OPTN: variants seen among roughly 807,000 people sequenced by gnomAD.
OPTN encodes the protein optineurin, also known as E3-14.7K-interacting protein.
In OPTN, 54 loss-of-function variants were observed where a neutral mutation model predicts 70.4. The ratio of observed to expected loss-of-function variants is 0.77; its 90% CI spans 0.62 to 0.96. The LOEUF (loss-of-function observed/expected upper bound fraction) is 0.96, where lower values mean the gene tolerates loss of function less well. Among genes scored for constraint, OPTN ranks in the 40% least tolerant of loss-of-function variants. The probability of loss-of-function intolerance (pLI) is 0.00; values close to 1 mark genes in which losing one functional copy is unlikely to be tolerated. For missense variants in OPTN, 624 were observed against 673.2 expected, an observed-to-expected ratio of 0.93 and a Z score of 0.81; for synonymous variants, 256 against 248.5, an observed-to-expected ratio of 1.03 and a Z score of -0.28.
rs1467477099 is a variant in OPTN, at chr10:13,112,504, G to T, written c.421G>T (p.Asp141Tyr). The T allele has an allele frequency of 1.2e-6, 2 of 1,613,948 alleles. No homozygotes were observed. The highest frequency in any genetic ancestry group is 1.7e-6 in the Non-Finnish European group (2 of 1,180,028). ...CAGGGCCGAAGCGGAGCAGGAAAAGGACCAGCTCAGGACCCAGGTGGTGAG... is the reference window on the plus strand; with the variant it reads ...CAGGGCCGAAGCGGAGCAGGAAAAGTACCAGCTCAGGACCCAGGTGGTGAG... ...LPRAEAEQEK[D>Y]QLRTQVVRLQ... Residue 141 changes from aspartate (D) to tyrosine (Y), a missense_variant, in exon 5 of 15, where the codon GAC (aspartate) becomes TAC (tyrosine). Coordinates refer to ENST00000378747, the MANE Select transcript of OPTN (RefSeq NM_001008212.2).
chr10:13,100,775 A>G (rs1027968435), intron 1 of OPTN, among the ~76,000 whole-genome samples: 4 of 152,082 alleles, frequency 2.6e-5, no homozygotes, highest in African/African-American at 7.2e-5. Flanking sequence ...GAGTGTGTAC[A>G]CTCTATATAG....
In OPTN at chr10:13,116,187, T is replaced by C. The variant is rs1833203539; in HGVS notation, c.553-80T>C. On this transcript the variant is annotated intron_variant, in intron 5 of 14. Transcript: ENST00000378747. ...GGGTTGCATGTCACAAAAATTCATC[T>C]TTTGTCTTTTTCTTCTTTTGACAAA... The C allele has an allele frequency of 6.0e-6, 6 of 997,328 alleles. No homozygotes were observed. In the East Asian group the frequency reaches 1.4e-4, roughly 24 times the overall value. 61.8% of individuals were successfully genotyped at this position (997,328 alleles called of 1,614,324 possible).
chr10:13,118,749 C>A, intron 6 of OPTN, 139 bp from the exon 7 acceptor site: 1 of 780,012 alleles, frequency 1.3e-6, no homozygotes, highest in Non-Finnish European at 2.2e-6. Flanking sequence ...ACCAGCTGTG[C>A]TTGTTCACTA....
intron 14 of OPTN, among the ~76,000 whole-genome samples, chr10:13,134,555 C>T (rs1323438424): frequency 6.6e-6 from 1 of 152,180 alleles, no homozygotes; most frequent in Non-Finnish European, 1.5e-5. Context: ...GGCTCAGCCT[C>T]CCAAGTAGCT....
chr10:13,105,548 G>C (rs920452075), intron 1 of OPTN, among the ~76,000 whole-genome samples: 2 of 152,152 alleles, frequency 1.3e-5, no homozygotes, highest in African/African-American at 4.8e-5. Context: ...CAGAAACACT[G>C]ATGTAACAAC....
chr10:13,129,331 T>C (rs1310670710), intron 12 of OPTN, among the ~76,000 whole-genome samples: 1 of 151,998 alleles, frequency 6.6e-6, no homozygotes, highest in African/African-American at 2.4e-5. Context: ...TCTGGTACCA[T>C]GCTGTCTTAT....
chr10:13,121,053 C>A (rs770499162), intron 7 of OPTN, among the ~76,000 whole-genome samples: 1 of 152,128 alleles, frequency 6.6e-6, no homozygotes, highest in Non-Finnish European at 1.5e-5. Flanking sequence ...AAACTGCCCC[C>A]GTGATTCAAT....
chr10:13,112,345 G>T, intron 4 of OPTN, 108 bp from the exon 5 acceptor site: 2 of 1,063,210 alleles, frequency 1.9e-6, no homozygotes, highest in Non-Finnish European at 2.8e-6. Flanking sequence ...CTGGCCTCAA[G>T]GGATCCTCCC....
chr10:13,127,917 C>T lies in OPTN; in HGVS notation c.1401+14C>T. ...CTCAGGGCTCAGGTGAGGCACCTTC[C>T]AAAACCCCAGCTGAGCGAGGCCAGC... On this transcript the variant is annotated intron_variant, in intron 12 of 14. Coordinates refer to ENST00000378747, the MANE Select transcript of OPTN (RefSeq NM_001008212.2). 4 of 1,613,980 alleles carry T rather than the reference C, an allele frequency of 2.5e-6. No individual in the cohort carries two copies. Among genetic ancestry groups the T allele is most frequent in the Non-Finnish European group, 3.4e-6 (4 of 1,179,952 alleles).
chr10:13,120,711 G>C (rs938093416), intron 7 of OPTN, among the ~76,000 whole-genome samples: 5 of 152,090 alleles, frequency 3.3e-5, no homozygotes, highest in African/African-American at 1.2e-4. Context: ...ATCTATGTTT[G>C]TCCTTACGCC....
intron 12 of OPTN, among the ~76,000 whole-genome samples, chr10:13,129,356 C>CTT (rs780049166): frequency 0.016 from 2,320 of 142,336 alleles, 52 homozygotes; most frequent in African/African-American, 0.055. Context: ...AAGCATCAAA[C>CTT]TTTTTTTTTT....
chr10:13,119,107 A>G (rs1833285637), intron 7 of OPTN, 67 bp downstream of exon 7: 4 of 1,388,532 alleles, frequency 2.9e-6, no homozygotes, highest in Non-Finnish European at 1.0e-6. Flanking sequence ...TAATTAAGAT[A>G]CCATACAGTT....
At chr10:13,100,685 T>TG (rs1832722786) in intron 1 of OPTN, among the ~76,000 whole-genome samples, 1 of 152,108 alleles carries the variant, frequency 6.6e-6, no homozygotes, top group Non-Finnish European at 1.5e-5. Context: ...GACACGCCTG[T>TG]GGGAGACATG....
chr10:13,104,240 A>G (rs1021787876), intron 1 of OPTN, among the ~76,000 whole-genome samples: 3 of 145,824 alleles, frequency 2.1e-5, no homozygotes, highest in Non-Finnish European at 4.5e-5. Context: ...AATCAGTTAA[A>G]TTAGTTTTTT....
chr10:13,103,748 A>ACATG (rs71985559), intron 1 of OPTN, among the ~76,000 whole-genome samples: 42 of 17,136 alleles, frequency 2.5e-3, no homozygotes, highest in African/African-American at 3.2e-3. Context: ...ACATGCACAC[A>ACATG]CACACACACA....
rs776878278 is a variant in OPTN, at chr10:13,112,557, G to A, written c.474G>A (p.Leu158=). 6.2e-7 allele frequency: 1 copy of A among 1,614,164 alleles called. No homozygotes were observed. Among genetic ancestry groups the A allele is most frequent in the Non-Finnish European group, 8.5e-7 (1 of 1,180,034 alleles). ...TACAAGCAGAGAAGGCAGACCTGTT[G>A]GGCATCGTGTCTGAACTGCAGCTCA... ...VRLQAEKADL[L]GIVSELQLKL... Residue 158 remains leucine, a synonymous_variant, in exon 5 of 15, where the codon TTG becomes TTA. Coordinates refer to ENST00000378747, the MANE Select transcript of OPTN (RefSeq NM_001008212.2).
At chr10:13,116,405 T>C in intron 6 of OPTN, 65 bp downstream of exon 6, 1 of 1,055,356 alleles carries the variant, frequency 9.5e-7, no homozygotes, top group Non-Finnish European at 1.5e-6. Flanking sequence ...TGGGTGCTTG[T>C]CACCGGAGGT....
chr10:13,120,149 ATT>A (rs1348589065), intron 7 of OPTN, among the ~76,000 whole-genome samples: 1 of 144,746 alleles, frequency 6.9e-6, no homozygotes, highest in Admixed American at 6.9e-5. Flanking sequence ...CGCCCGGCTA[ATT>A]TTTTTTTTTT....
In OPTN at chr10:13,124,066, A is replaced by T; in HGVS notation, c.954A>T (p.Thr318=). Reference sequence around the variant, plus strand: ...TTAAGGAGCTTCAAGAGGCTCATACAAAACTCAGCGAAGCTGAGCTAATGA... The same window carrying T: ...TTAAGGAGCTTCAAGAGGCTCATACTAAACTCAGCGAAGCTGAGCTAATGA... The part of the protein sequence containing the change: ...SLFKELQEAH[T]KLSEAELMKK... Residue 318 remains threonine (T), a synonymous_variant, in exon 9 of 15, where the codon ACA becomes ACT. Transcript: ENST00000378747. 2 of 1,613,806 alleles carry T rather than the reference A, an allele frequency of 1.2e-6. No individual in the cohort carries two copies. The highest frequency in any genetic ancestry group is 1.7e-6 in the Non-Finnish European group (2 of 1,179,788).
Sources: gnomAD v4.1 joint callset for allele counts (sites outside exome capture counted in the v4.1 genomes callset) on GRCh38, gnomAD v4.1.1 for gene constraint, MANE v1.5 for transcripts, NCBI Gene and HGNC (gene_info 2026-07-23, HGNC 2026-07-21) for gene names.